The following COL24A1 variants were observed in gnomAD, a reference collection of about 807,000 sequenced individuals.
COL24A1 encodes the protein collagen type XXIV alpha 1 chain.
A neutral mutation model predicts 253.9 loss-of-function variants in COL24A1; 224 were observed. The ratio of observed to expected loss-of-function variants is 0.88; its 90% confidence interval spans 0.79 to 0.99. The LOEUF is 0.99. Among genes scored for constraint, COL24A1 ranks in the 50% least tolerant of loss-of-function variants. COL24A1 has a pLI of 0.00. For synonymous variants in COL24A1, 685 were observed against 673.7 expected, an observed-to-expected ratio of 1.02 and a Z score of -0.26; for missense variants, 2,131 against 2,068.5, an observed-to-expected ratio of 1.03 and a Z score of -0.59.
At chr1:85,761,258 C>T in intron 55 of COL24A1, 138 bp downstream of exon 55, 1 of 875,408 alleles carries the variant, frequency 1.1e-6, no homozygotes, top group East Asian at 2.6e-5. Context: ...GCTGGGCCAG[C>T]CCTGTATCAG....
rs1275508869 is a variant in COL24A1 at position 85,965,064 on chromosome 1, T to C, written c.2464-2A>G. ...ATACCCCTTTTGACCTGGTTTTCCC[T>C]AGAAGAGAACAGCATAAAAGAAGAA... On this transcript the variant is annotated splice_acceptor_variant, in intron 22 of 59. Coordinates refer to ENST00000370571, the MANE Select transcript of COL24A1 (RefSeq NM_152890.7). LOFTEE classifies it high-confidence loss of function. The C allele has an allele frequency of 6.2e-7, 1 of 1,608,964 alleles. No individual in the cohort carries two copies. Among genetic ancestry groups the C allele is most frequent in the South Asian group, 1.1e-5 (1 of 89,972 alleles).
At chr1:86,153,835 CT>C (rs1653111764) in intron 1 of COL24A1, among the ~76,000 whole-genome samples, 1 of 152,150 alleles carries the variant, frequency 6.6e-6, no homozygotes, top group Non-Finnish European at 1.5e-5. Flanking sequence ...CAGAGACCTT[CT>C]GATAATATGT....
At chr1:85,853,036 A>G (rs927067395) in intron 37 of COL24A1, among the ~76,000 whole-genome samples, 9 of 152,194 alleles carry the variant, frequency 5.9e-5, no homozygotes, top group African/African-American at 2.2e-4. Context: ...ATTATGTGTC[A>G]CATGGATTTG....
intron 5 of COL24A1, among the ~76,000 whole-genome samples, chr1:86,094,070 A>G (rs1455164274): frequency 6.6e-6 from 1 of 152,176 alleles, no homozygotes; most frequent in Non-Finnish European, 1.5e-5. Flanking sequence ...CCATTGCGGA[A>G]GACAGTGTGG....
intron 20 of COL24A1, among the ~76,000 whole-genome samples, chr1:85,974,578 T>G (rs1483234831): frequency 1.3e-5 from 2 of 152,074 alleles, no homozygotes; most frequent in African/African-American, 4.8e-5. Flanking sequence ...GGTAAAAGCA[T>G]GGCAAAAACA....
intron 3 of COL24A1, among the ~76,000 whole-genome samples, chr1:86,118,070 T>C (rs1706322423): frequency 6.6e-6 from 1 of 151,726 alleles, no homozygotes; most frequent in Non-Finnish European, 1.5e-5. Context: ...AATTAACTTT[T>C]TTTTTTTTTC....
chr1:85,950,962 T>C (rs1689848798), intron 24 of COL24A1, among the ~76,000 whole-genome samples: 1 of 152,230 alleles, frequency 6.6e-6, no homozygotes, highest in African/African-American at 2.4e-5. Flanking sequence ...AGTACAGTTC[T>C]GCAAACGCTC....
At chr1:85,877,086 A>C in intron 33 of COL24A1, 36 bp downstream of exon 33, 1 of 1,498,930 alleles carries the variant, frequency 6.7e-7, no homozygotes, top group Non-Finnish European at 9.2e-7. Context: ...AAAAAGTAGA[A>C]TATTTATGAA....
intron 6 of COL24A1, 28 bp from the exon 7 acceptor site, chr1:86,089,255 T>C: frequency 6.5e-7 from 1 of 1,534,490 alleles, no homozygotes. Context: ...ACGTTTAATG[T>C]CATGAAAGAG....
At chr1:86,111,851 C>T (rs563689782) in intron 5 of COL24A1, among the ~76,000 whole-genome samples, 1 of 152,206 alleles carries the variant, frequency 6.6e-6, no homozygotes, top group East Asian at 1.9e-4. Context: ...AGAGCTGTAA[C>T]ACTAACCATG....
chr1:85,830,897 C>T (rs1010273967), intron 43 of COL24A1, among the ~76,000 whole-genome samples: 1 of 152,122 alleles, frequency 6.6e-6, no homozygotes, highest in African/African-American at 2.4e-5. Flanking sequence ...GTTGCTCACG[C>T]TGGGAGCTGT....
intron 52 of COL24A1, among the ~76,000 whole-genome samples, chr1:85,779,239 A>C (rs1427640953): frequency 3.3e-5 from 5 of 152,252 alleles, no homozygotes; most frequent in African/African-American, 1.2e-4. Flanking sequence ...TTATAGCAGG[A>C]GGATACTCAA....
chr1:85,890,000 A>G (rs1053369813), intron 31 of COL24A1, among the ~76,000 whole-genome samples: 1 of 152,116 alleles, frequency 6.6e-6, no homozygotes, highest in African/African-American at 2.4e-5. Flanking sequence ...GTGAGATCAT[A>G]CAATATCTGT....
chr1:85,893,392 G>T (rs909327685), intron 31 of COL24A1, among the ~76,000 whole-genome samples: 3 of 151,766 alleles, frequency 2.0e-5, no homozygotes, highest in Admixed American at 2.0e-4. Flanking sequence ...AAATTAGAAA[G>T]AATTAAAGGG....
At chr1:86,031,784 C>A in intron 14 of COL24A1, 94 bp downstream of exon 14, 3 of 951,554 alleles carry the variant, frequency 3.2e-6, no homozygotes, top group Non-Finnish European at 3.1e-6. Context: ...ACAGTAAAAC[C>A]TCTCATTTCC....
intron 7 of COL24A1, among the ~76,000 whole-genome samples, chr1:86,076,416 C>T (rs577444817): frequency 6.6e-6 from 1 of 152,142 alleles, no homozygotes; most frequent in East Asian, 1.9e-4. Flanking sequence ...GAAAAACATT[C>T]CATGCTCATG....
chr1:85,847,708 C>T lies in COL24A1; in HGVS notation c.3419G>A (p.Gly1140Glu). ...VGSRGPPGKI[G>E]KSGPKGARGT... is the part of the protein sequence containing the mutation. ...TCTGGCACCCTTAGGACCACTTTTC[C>T]CAATTTTTCCAGGAGGACCTCTGCT... is the stretch of plus-strand genomic sequence containing the variant. Residue 1140 changes from glycine (G) to glutamate (E), a missense_variant, in exon 39 of 60, where the codon GGG becomes GAG. Physicochemically the swap from Gly to Glu is moderately conservative, Grantham distance 98. Coordinates refer to ENST00000370571, the MANE Select transcript of COL24A1 (RefSeq NM_152890.7). The T allele has an allele frequency of 6.2e-7, 1 of 1,613,834 alleles. No homozygotes were observed.
chr1:85,870,898 T>C (rs1367947885), intron 35 of COL24A1, among the ~76,000 whole-genome samples: 1 of 151,972 alleles, frequency 6.6e-6, no homozygotes, highest in Non-Finnish European at 1.5e-5. Flanking sequence ...AAAAAATCAA[T>C]GAATCCAAGA....
At chr1:85,978,327 C>T (rs1692899137) in intron 20 of COL24A1, among the ~76,000 whole-genome samples, 1 of 151,748 alleles carries the variant, frequency 6.6e-6, no homozygotes, top group Non-Finnish European at 1.5e-5. Flanking sequence ...CACACAAAAC[C>T]CACAAGATAT....
Sources: gnomAD v4.1 joint callset for allele counts (sites outside exome capture counted in the v4.1 genomes callset) on GRCh38, gnomAD v4.1.1 for gene constraint, MANE v1.5 for transcripts, NCBI Gene and HGNC (gene_info 2026-07-23, HGNC 2026-07-21) for gene names.